SLC35F4: variants seen among roughly 807,000 people sequenced by gnomAD.
SLC35F4 encodes chromosome 14 open reading frame 36.
Under a neutral mutation model 44.2 loss-of-function variants are expected in SLC35F4, and 24 were observed. The ratio of observed to expected loss-of-function variants is 0.54; its 90% CI spans 0.39 to 0.76. The LOEUF (loss-of-function observed/expected upper bound fraction) is 0.76, where lower values mean the gene tolerates loss of function less well. SLC35F4 is among the 30% of genes least tolerant of loss of function. The probability of loss-of-function intolerance (pLI) is 0.00; values close to 1 mark genes in which losing one functional copy is unlikely to be tolerated. For missense variants in SLC35F4, 562 were observed against 586.1 expected (o/e 0.96, Z 0.42); for synonymous variants, 238 against 223.6 (o/e 1.06, Z -0.57).
chr14:57,885,976 T>A (rs1296814231), intron 1 of SLC35F4, among the ~76,000 whole-genome samples: 2 of 152,148 alleles, frequency 1.3e-5, no homozygotes, highest in Non-Finnish European at 2.9e-5. Flanking sequence ...AAAAAAGGGA[T>A]CATATACGCA....
At chr14:57,588,917 A>G (rs898502511) in intron 3 of SLC35F4, among the ~76,000 whole-genome samples, 2 of 152,128 alleles carry the variant, frequency 1.3e-5, no homozygotes, top group African/African-American at 2.4e-5. Context: ...GAGTCATTCA[A>G]CCTTTCTGAA....
intron 1 of SLC35F4, among the ~76,000 whole-genome samples, chr14:57,684,883 A>T (rs187190496): frequency 6.6e-6 from 1 of 152,252 alleles, no homozygotes; most frequent in Non-Finnish European, 1.5e-5. Flanking sequence ...TAGCGTTGGT[A>T]GGTAGATTGT....
chr14:57,589,627 C>T, intron 2 of SLC35F4, 114 bp from the exon 3 acceptor site: 1 of 1,127,694 alleles, frequency 8.9e-7, no homozygotes, highest in Non-Finnish European at 1.2e-6. Context: ...AGTAGAATTA[C>T]CAGTGTTTTT....
upstream of SLC35F4, among the ~76,000 whole-genome samples, chr14:57,867,678 C>T (rs2141025050): frequency 6.6e-6 from 1 of 151,592 alleles, no homozygotes; most frequent in Middle Eastern, 3.4e-3. Context: ...ATATCAAATG[C>T]ATGTATTGCA....
rs2070579499 is a variant in SLC35F4 at position 57,597,744 on chromosome 14, A to T, written c.104-3620T>A. 2.6e-5 allele frequency among the ~76,000 whole-genome samples: 4 copies of T among 152,204 alleles called. 1 individual carries two copies. In the South Asian group the frequency reaches 8.3e-4, roughly 32 times the overall value. On this transcript the variant is annotated intron_variant, in intron 1 of 7. Coordinates refer to ENST00000556826, the MANE Select transcript of SLC35F4 (RefSeq NM_001306087.2). Reference sequence around the variant, plus strand: ...CAGTCAGAGGAAACCGTAGAAGCAAATAGTCAGAGGCATAAGGTGCATGCT... The same window carrying T: ...CAGTCAGAGGAAACCGTAGAAGCAATTAGTCAGAGGCATAAGGTGCATGCT...
chr14:57,586,694 G>T (rs575513214), intron 3 of SLC35F4, among the ~76,000 whole-genome samples: 2 of 127,206 alleles, frequency 1.6e-5, no homozygotes, highest in African/African-American at 3.1e-5. Context: ...CTCCAGCCTG[G>T]GTGACAGAGC....
chr14:57,684,970 T>C (rs2075025475), intron 1 of SLC35F4, among the ~76,000 whole-genome samples: 1 of 152,190 alleles, frequency 6.6e-6, no homozygotes, highest in African/African-American at 2.4e-5. Flanking sequence ...CCCTTTTTGT[T>C]TTGAGCTATG....
chr14:57,697,974 C>A (rs75058819), intron 1 of SLC35F4, among the ~76,000 whole-genome samples: 3 of 152,134 alleles, frequency 2.0e-5, no homozygotes, highest in African/African-American at 7.2e-5. Context: ...GGGTCCAAAT[C>A]CAGATTTCAC....
At chr14:57,851,744 T>C (rs921233470) in intron 1 of SLC35F4, among the ~76,000 whole-genome samples, 1 of 152,164 alleles carries the variant, frequency 6.6e-6, no homozygotes, top group African/African-American at 2.4e-5. Flanking sequence ...ATTGAAAAAC[T>C]GGTGAAATCC....
At chr14:57,717,641 A>T (rs1432737845) in intron 1 of SLC35F4, among the ~76,000 whole-genome samples, 2 of 152,218 alleles carry the variant, frequency 1.3e-5, no homozygotes, top group Non-Finnish European at 2.9e-5. Context: ...GTCTCAAAAA[A>T]AGAGTTTTTC....
intron 1 of SLC35F4, among the ~76,000 whole-genome samples, chr14:57,846,888 A>G (rs529578182): frequency 6.6e-6 from 1 of 152,320 alleles, no homozygotes; most frequent in African/African-American, 2.4e-5. Flanking sequence ...CTTGCAACAG[A>G]GAAGGGAATA....
chr14:57,597,769 T>A (rs2070581386), intron 1 of SLC35F4, among the ~76,000 whole-genome samples: 1 of 152,202 alleles, frequency 6.6e-6, no homozygotes. Flanking sequence ...AGGTGCATGC[T>A]ATGAAGCTCA....
At chr14:57,878,143 T>C (rs1888441414) in intron 1 of SLC35F4, among the ~76,000 whole-genome samples, 1 of 152,172 alleles carries the variant, frequency 6.6e-6, no homozygotes, top group African/African-American at 2.4e-5. Context: ...GTTCATGTCC[T>C]TTGCCCATTT....
At position 57,630,273 on chromosome 14, in the gene SLC35F4, A is replaced by G. The variant is rs1285549532; in HGVS notation, c.104-36149T>C. 3 of 557,342 alleles carry G rather than the reference A, an allele frequency of 5.4e-6. No homozygotes were observed. The African/African-American group carries it at 5.7e-5, about 11-fold the overall frequency. 34.5% of individuals were successfully genotyped at this position (557,342 alleles called of 1,614,324 possible). A position where few individuals can be genotyped will look rare whatever the true frequency, so the allele number is the denominator to read the frequency against. On this transcript the variant is annotated intron_variant, in intron 1 of 7. Coordinates refer to ENST00000556826, the MANE Select transcript of SLC35F4 (RefSeq NM_001306087.2). Reference sequence around the variant, plus strand: ...CAGACATTCTAGAAGCCAAAGTTGTAAAAGAAGGAGATCAAGAAGGCTGTC... The same window carrying G: ...CAGACATTCTAGAAGCCAAAGTTGTGAAAGAAGGAGATCAAGAAGGCTGTC...
intron 4 of SLC35F4, chr14:57,580,657 A>G: frequency 1.0e-5 from 2 of 193,236 alleles, no homozygotes; most frequent in South Asian, 1.5e-4. Context: ...TCAATTAAGG[A>G]TTTGTATCCA....
chr14:57,766,553 C>T (rs1205774932), intron 1 of SLC35F4, among the ~76,000 whole-genome samples: 3 of 152,320 alleles, frequency 2.0e-5, no homozygotes, highest in South Asian at 4.1e-4. Flanking sequence ...GACAGCAAAC[C>T]CTAGAACCCT....
rs187257881 is a variant in SLC35F4 at position 57,741,351 on chromosome 14, A to G, written c.103+124372T>C. The stretch of plus-strand genomic sequence containing the variant: ...AAGCTAAAAACCTTGAAAAAAGATT[A>G]GACAAATGACTAACTAGAATAAACA... On this transcript the variant is annotated intron_variant, in intron 1 of 7. Coordinates refer to ENST00000556826, the MANE Select transcript of SLC35F4 (RefSeq NM_001306087.2). Among the ~76,000 whole-genome samples the G allele has an allele frequency of 2.6e-5, 4 of 152,316 alleles. No individual in the cohort carries two copies. In the East Asian group the frequency reaches 7.7e-4, roughly 29 times the overall value.
chr14:57,937,144 G>A (rs528500461), intron 1 of SLC35F4, among the ~76,000 whole-genome samples: 81 of 149,910 alleles, frequency 5.4e-4, no homozygotes, highest in Middle Eastern at 3.5e-3. Context: ...CTCGGCTCAC[G>A]GCAACCTCCG....
At chr14:57,946,589 C>T (rs1249604310) in intron 1 of SLC35F4, among the ~76,000 whole-genome samples, 4 of 150,588 alleles carry the variant, frequency 2.7e-5, no homozygotes, top group African/African-American at 9.8e-5. Flanking sequence ...ATTCTCCTGG[C>T]TCAGCCTCCC....
Sources: allele counts gnomAD v4.1 joint callset (sites outside exome capture counted in the v4.1 genomes callset), GRCh38; gene constraint gnomAD v4.1.1; transcripts MANE v1.5; gene names NCBI Gene and HGNC (gene_info 2026-07-23, HGNC 2026-07-21).